The following CHST8 variants were observed in gnomAD, a reference collection of about 807,000 sequenced individuals.
The protein encoded by CHST8 is GALNAC-4-ST1.
A neutral mutation model predicts 15.0 loss-of-function variants in CHST8; 10 were observed. The observed-to-expected ratio is 0.67, with a 90% CI of 0.41 to 1.13. CHST8 has a LOEUF of 1.13. Ranked by LOEUF, CHST8 falls within the 50% of genes most tolerant of loss-of-function variation. CHST8 has a pLI of 0.00. For synonymous variants in CHST8, 259 were observed against 256.6 expected, an observed-to-expected ratio of 1.01 and a Z score of -0.09; for missense variants, 634 against 608.2, an observed-to-expected ratio of 1.04 and a Z score of -0.45.
At chr19:33,748,810 C>T (rs1974360281) in intron 3 of CHST8, among the ~76,000 whole-genome samples, 1 of 152,160 alleles carries the variant, frequency 6.6e-6, no homozygotes, top group Non-Finnish European at 1.5e-5. Context: ...AGTGTCTAGG[C>T]CACTTTGCTT....
At chr19:33,660,964 A>G (rs1029308033) in intron 1 of CHST8, among the ~76,000 whole-genome samples, 4 of 152,154 alleles carry the variant, frequency 2.6e-5, no homozygotes, top group Admixed American at 2.6e-4. Flanking sequence ...CCTGTCCTGC[A>G]TCACTAGTAG....
chr19:33,632,305 ATTG>A (rs1239759369), intron 1 of CHST8, among the ~76,000 whole-genome samples: 3 of 151,798 alleles, frequency 2.0e-5, no homozygotes. Context: ...ATGCCTGGCT[ATTG>A]TTGTTTGTTT....
At position 33,773,252 on chromosome 19, in the gene CHST8, C is replaced by T; in HGVS notation, c.*189C>T. On this transcript the variant is annotated 3_prime_UTR_variant, in exon 5 of 5. Coordinates refer to ENST00000650847, the MANE Select transcript of CHST8 (RefSeq NM_001127895.2). ...CAGCCTTGGATGGGGACCCCAGCCC[C>T]TGGCCTGTACCTGTTTCCTCATTCC... The T allele has an allele frequency of 1.6e-6, 1 of 633,758 alleles. No homozygotes were observed. The highest frequency in any genetic ancestry group is 2.7e-6 in the Non-Finnish European group (1 of 372,278). The allele number at this position is 633,758 out of a possible 1,614,324, so 39.3% of individuals were successfully genotyped here. A position where few individuals can be genotyped will look rare whatever the true frequency, so the allele number is the denominator to read the frequency against.
At chr19:33,734,352 A>G (rs1162107009) in intron 3 of CHST8, among the ~76,000 whole-genome samples, 1 of 152,234 alleles carries the variant, frequency 6.6e-6, no homozygotes, top group African/African-American at 2.4e-5. Flanking sequence ...TGGGCAATGA[A>G]GAATGGAATA....
intron 4 of CHST8, 126 bp from the exon 5 acceptor site, chr19:33,771,831 A>C: frequency 8.6e-7 from 1 of 1,165,160 alleles, no homozygotes; most frequent in Non-Finnish European, 1.2e-6. Context: ...TCTCACCTAC[A>C]GAGTCAGCCT....
At chr19:33,711,752 C>T (rs1023234291) in intron 3 of CHST8, among the ~76,000 whole-genome samples, 1 of 152,172 alleles carries the variant, frequency 6.6e-6, no homozygotes, top group Admixed American at 6.5e-5. Context: ...GTGCCTCAGC[C>T]TCCCGAGTAC....
At chr19:33,670,464 C>T (rs1380242825) in intron 2 of CHST8, among the ~76,000 whole-genome samples, 2 of 152,214 alleles carry the variant, frequency 1.3e-5, no homozygotes, top group Non-Finnish European at 2.9e-5. Context: ...GCAGACACAG[C>T]GTAAACATAA....
chr19:33,686,583 G>C lies in CHST8; in HGVS notation c.-86-2593G>C, dbSNP rs191739663. 3.2e-3 allele frequency among the ~76,000 whole-genome samples: 493 copies of C among 152,236 alleles called. 3 individuals are homozygous for C. Among genetic ancestry groups the C allele is most frequent in the African/African-American group, 0.011 (475 of 41,550 alleles). On this transcript the variant is annotated intron_variant, in intron 2 of 4. Coordinates refer to ENST00000650847, the MANE Select transcript of CHST8 (RefSeq NM_001127895.2). ...CATCAGGTAGAGCCTGATATTGAGGGACCCATTATTAGCTGTTTTACCAGG... is the reference window on the plus strand; with the variant it reads ...CATCAGGTAGAGCCTGATATTGAGGCACCCATTATTAGCTGTTTTACCAGG...
chr19:33,770,071 G>A (rs894072286), intron 3 of CHST8, among the ~76,000 whole-genome samples: 4 of 152,148 alleles, frequency 2.6e-5, no homozygotes, highest in Admixed American at 6.5e-5. Flanking sequence ...GTGCGGGCAC[G>A]GCCTCAGCCT....
intron 1 of CHST8, among the ~76,000 whole-genome samples, chr19:33,633,774 C>CGTGTGTGTGTGTGTGT (rs55655047): frequency 7.1e-6 from 1 of 141,080 alleles, no homozygotes; most frequent in Non-Finnish European, 1.5e-5. Context: ...TTTTCTTTTT[C>CGTGTGTGTGTGTGTGT]GTGTGTGTGT....
At chr19:33,655,748 C>A (rs1309449338) in intron 1 of CHST8, among the ~76,000 whole-genome samples, 2 of 152,036 alleles carry the variant, frequency 1.3e-5, no homozygotes, top group Non-Finnish European at 2.9e-5. Flanking sequence ...CTACTTATCT[C>A]TCTTTCTTAT....
intron 3 of CHST8, among the ~76,000 whole-genome samples, chr19:33,743,296 C>CTTTTTTTTTT (rs916165328): frequency 1.0e-5 from 1 of 98,258 alleles, no homozygotes; most frequent in Non-Finnish European, 2.0e-5. Flanking sequence ...CACAGCAATT[C>CTTTTTTTTTT]TTTTTTTTTT....
At chr19:33,641,117 T>C (rs1349531792) in intron 1 of CHST8, among the ~76,000 whole-genome samples, 1 of 152,198 alleles carries the variant, frequency 6.6e-6, no homozygotes, top group Non-Finnish European at 1.5e-5. Flanking sequence ...GGCTTCTCTC[T>C]CTGCCTGCTC....
intron 3 of CHST8, among the ~76,000 whole-genome samples, chr19:33,689,798 C>T (rs1219277676): frequency 6.6e-6 from 1 of 152,202 alleles, no homozygotes; most frequent in Non-Finnish European, 1.5e-5. Flanking sequence ...CCTGCCCAGC[C>T]CTGGGGAATC....
chr19:33,712,170 C>T (rs1223960299), intron 3 of CHST8, among the ~76,000 whole-genome samples: 1 of 152,228 alleles, frequency 6.6e-6, no homozygotes, highest in Non-Finnish European at 1.5e-5. Flanking sequence ...TCTGCACTGA[C>T]CCCTCCCAGT....
chr19:33,631,040 C>T (rs1270848753), intron 1 of CHST8, among the ~76,000 whole-genome samples: 3 of 152,182 alleles, frequency 2.0e-5, no homozygotes, highest in Non-Finnish European at 4.4e-5. Flanking sequence ...AGTCTGTCTA[C>T]ACTAGTTGGA....
At chr19:33,740,169 TCAAACTAGTTCACAGGAG>T (rs549167299) in intron 3 of CHST8, among the ~76,000 whole-genome samples, 162 of 152,250 alleles carry the variant, frequency 1.1e-3, no homozygotes, top group African/African-American at 3.8e-3. Flanking sequence ...GTGGAGAAAC[TCAAACTAGTTCACAGGAG>T]CAAACATCAT....
chr19:33,772,616 C>T lies in CHST8; in HGVS notation c.828C>T (p.Asn276=). ...TCCGCGACAAGTTTGAGCACCCCAACAGCTACTATCACCCGGTCTTCGGCA... is the reference window on the plus strand; with the variant it reads ...TCCGCGACAAGTTTGAGCACCCCAATAGCTACTATCACCCGGTCTTCGGCA... ...SAFRDKFEHP[N]SYYHPVFGKA... Residue 276 remains asparagine (N), a synonymous_variant, in exon 5 of 5, where the codon AAC becomes AAT. Transcript: ENST00000650847. 4 of 1,614,072 alleles carry T rather than the reference C, an allele frequency of 2.5e-6. No individual in the cohort carries two copies. In the South Asian group the frequency reaches 4.4e-5, roughly 18 times the overall value.
intron 2 of CHST8, among the ~76,000 whole-genome samples, chr19:33,670,001 G>A (rs991724946): frequency 5.3e-5 from 8 of 152,116 alleles, no homozygotes; most frequent in African/African-American, 1.9e-4. Context: ...CAGAAATGCC[G>A]AATTCAAGAC....
Sources: gnomAD v4.1 joint callset for allele counts (sites outside exome capture counted in the v4.1 genomes callset) on GRCh38, gnomAD v4.1.1 for gene constraint, MANE v1.5 for transcripts, NCBI Gene and HGNC (gene_info 2026-07-23, HGNC 2026-07-21) for gene names.